KCNMB2: variants seen among roughly 807,000 people sequenced by gnomAD.
The protein encoded by KCNMB2 is potassium calcium-activated channel subfamily M regulatory beta subunit 2, also known as calcium-activated potassium channel subunit beta-2.
KCNMB2 carries 9 observed loss-of-function variants against 24.5 expected under a neutral mutation model. The ratio of observed to expected loss-of-function variants is 0.37; its 90% CI spans 0.22 to 0.64. KCNMB2 has a LOEUF of 0.64. Among genes scored for constraint, KCNMB2 ranks in the 30% least tolerant of loss-of-function variants. The probability of loss-of-function intolerance (pLI) is 0.63; values close to 1 mark genes in which losing one functional copy is unlikely to be tolerated. For missense variants in KCNMB2, 226 were observed against 284.3 expected, an observed-to-expected ratio of 0.79 and a Z score of 1.47; for synonymous variants, 109 against 104.4, an observed-to-expected ratio of 1.04 and a Z score of -0.27.
At chr3:178,564,130 T>C (rs1218253039) in intron 1 of KCNMB2, among the ~76,000 whole-genome samples, 2 of 151,988 alleles carry the variant, frequency 1.3e-5, no homozygotes, top group Non-Finnish European at 2.9e-5. Context: ...ATAAAAAAAT[T>C]AGCCAGGTGT....
At chr3:178,663,197 T>C (rs1237638125) in intron 1 of KCNMB2, among the ~76,000 whole-genome samples, 1 of 152,070 alleles carries the variant, frequency 6.6e-6, no homozygotes, top group Non-Finnish European at 1.5e-5. Context: ...CAAGCCTCAG[T>C]GAATAAGCAC....
intron 1 of KCNMB2, among the ~76,000 whole-genome samples, chr3:178,654,774 G>GT (rs1720261328): frequency 1.3e-5 from 2 of 152,142 alleles, no homozygotes; most frequent in South Asian, 2.1e-4. Flanking sequence ...CTAGCAAAAC[G>GT]TAAGGTGGAG....
At chr3:178,730,629 G>T (rs990949068) in intron 1 of KCNMB2, among the ~76,000 whole-genome samples, 2 of 152,086 alleles carry the variant, frequency 1.3e-5, no homozygotes, top group African/African-American at 4.8e-5. Flanking sequence ...GGAACTCTTT[G>T]CCATGACTTA....
chr3:178,691,870 C>G (rs1189106624), intron 1 of KCNMB2, among the ~76,000 whole-genome samples: 2 of 146,800 alleles, frequency 1.4e-5, no homozygotes, highest in Non-Finnish European at 3.0e-5. Flanking sequence ...TTCCCACCAA[C>G]AGTCTATAAA....
intron 1 of KCNMB2, among the ~76,000 whole-genome samples, chr3:178,661,504 C>T (rs559787514): frequency 9.2e-5 from 14 of 152,164 alleles, no homozygotes; most frequent in South Asian, 6.2e-4. Flanking sequence ...GTCTCTCTTG[C>T]GGTCACTCTA....
At chr3:178,825,883 G>A in intron 3 of KCNMB2, 125 bp downstream of exon 3, 1 of 661,804 alleles carries the variant, frequency 1.5e-6, no homozygotes, top group Non-Finnish European at 2.6e-6. Flanking sequence ...GAAGTTCCTG[G>A]TAAATAATAC....
At chr3:178,615,186 T>C (rs1213435455) in intron 1 of KCNMB2, among the ~76,000 whole-genome samples, 1 of 152,202 alleles carries the variant, frequency 6.6e-6, no homozygotes, top group African/African-American at 2.4e-5. Flanking sequence ...CACACCCCTG[T>C]GGGCCAGCAC....
At chr3:178,732,261 T>A (rs6443572) in intron 1 of KCNMB2, among the ~76,000 whole-genome samples, 73,939 of 151,994 alleles carry the variant, frequency 0.49, 18,475 homozygotes, top group African/African-American at 0.61. Context: ...TAGATACTAA[T>A]CTACAGTAGG....
intron 2 of KCNMB2, 53 bp from the exon 3 acceptor site, chr3:178,825,535 G>A (rs1451776867): frequency 2.7e-6 from 4 of 1,502,454 alleles, no homozygotes; most frequent in Non-Finnish European, 3.7e-6. Context: ...TGCTCTCTAG[G>A]GGCATGCTGA....
intron 1 of KCNMB2, among the ~76,000 whole-genome samples, chr3:178,645,081 G>A (rs914448551): frequency 2.7e-4 from 17 of 61,862 alleles, no homozygotes; most frequent in Non-Finnish European, 4.6e-4. Context: ...GATGAGTTTT[G>A]CTCTTGTTGC....
chr3:178,586,353 G>C (rs946368710), intron 1 of KCNMB2, among the ~76,000 whole-genome samples: 1 of 152,014 alleles, frequency 6.6e-6, no homozygotes, highest in Non-Finnish European at 1.5e-5. Flanking sequence ...ACAAGTAATT[G>C]TGGTAACAAA....
intron 1 of KCNMB2, among the ~76,000 whole-genome samples, chr3:178,790,668 G>A (rs1228531507): frequency 6.6e-6 from 1 of 152,196 alleles, no homozygotes; most frequent in Non-Finnish European, 1.5e-5. Context: ...GTGCTGTGCT[G>A]GCTTTGGATC....
chr3:178,591,954 G>A (rs1175952816), intron 1 of KCNMB2, among the ~76,000 whole-genome samples: 1 of 151,908 alleles, frequency 6.6e-6, no homozygotes, highest in Non-Finnish European at 1.5e-5. Flanking sequence ...ACAGTATTCT[G>A]CCACCAATGT....
At chr3:178,714,586 C>G (rs1722558541) in intron 1 of KCNMB2, among the ~76,000 whole-genome samples, 1 of 152,238 alleles carries the variant, frequency 6.6e-6, no homozygotes, top group South Asian at 2.1e-4. Flanking sequence ...TAGTGAATGA[C>G]AAGGAACAGT....
In KCNMB2 at chr3:178,799,777, T is replaced by C. The variant is rs540845927; in HGVS notation, c.-67-7566T>C. On this transcript the variant is annotated intron_variant, in intron 1 of 4. Coordinates refer to ENST00000452583, the MANE Select transcript of KCNMB2 (RefSeq NM_181361.3). ...AATCATATTATCTGACATCAAATTA[T>C]GCCACACAGCTATAATAACCAAAAC... Among the ~76,000 whole-genome samples, 4 of 152,182 alleles carry C rather than the reference T, an allele frequency of 2.6e-5. No individual in the cohort carries two copies. The South Asian group carries it at 8.3e-4, about 32-fold the overall frequency.
intron 1 of KCNMB2, among the ~76,000 whole-genome samples, chr3:178,788,853 G>C (rs78217490): frequency 1.1e-3 from 172 of 152,254 alleles, no homozygotes; most frequent in African/African-American, 3.9e-3. Flanking sequence ...TAGTCCTCTA[G>C]ACCAAAGTTC....
At chr3:178,590,201 G>A (rs758913546) in intron 1 of KCNMB2, among the ~76,000 whole-genome samples, 2 of 152,102 alleles carry the variant, frequency 1.3e-5, no homozygotes, top group Non-Finnish European at 2.9e-5. Context: ...CTTATTTAGT[G>A]CTGGAAGGTC....
chr3:178,694,938 C>G (rs1310998054), intron 1 of KCNMB2, among the ~76,000 whole-genome samples: 3 of 152,364 alleles, frequency 2.0e-5, no homozygotes, highest in East Asian at 3.9e-4. Context: ...AGTGGGAACT[C>G]TGTGTGGTGG....
intron 1 of KCNMB2, among the ~76,000 whole-genome samples, chr3:178,715,190 A>G (rs1021523339): frequency 2.6e-5 from 4 of 152,128 alleles, no homozygotes; most frequent in Non-Finnish European, 5.9e-5. Context: ...TTATTGCCTC[A>G]TGCTTTTCTG....
Sources: gnomAD v4.1 joint callset for allele counts (sites outside exome capture counted in the v4.1 genomes callset) on GRCh38, gnomAD v4.1.1 for gene constraint, MANE v1.5 for transcripts, NCBI Gene and HGNC (gene_info 2026-07-23, HGNC 2026-07-21) for gene names.